LRMDA: variants seen among roughly 807,000 people sequenced by gnomAD.
The protein encoded by LRMDA is leucine rich melanocyte differentiation associated.
LRMDA carries 18 observed loss-of-function variants against 29.8 expected under a neutral mutation model. That is an observed-to-expected ratio of 0.60 (90% CI 0.42 to 0.90). The LOEUF (loss-of-function observed/expected upper bound fraction) is 0.90, where lower values mean the gene tolerates loss of function less well. LRMDA is among the 40% of genes least tolerant of loss of function. LRMDA has a pLI of 0.00. For missense variants in LRMDA, 273 were observed against 273.9 expected (o/e 1.00, Z 0.02); for synonymous variants, 125 against 109.4 (o/e 1.14, Z -0.89).
chr10:76,022,899 T>A (rs769385412), intron 2 of LRMDA, among the ~76,000 whole-genome samples: 4 of 152,198 alleles, frequency 2.6e-5, no homozygotes, highest in Non-Finnish European at 5.9e-5. Context: ...TGGACAATGC[T>A]GGGCACCTAT....
At chr10:76,092,045 G>T (rs188072629) in intron 5 of LRMDA, among the ~76,000 whole-genome samples, 75 of 152,186 alleles carry the variant, frequency 4.9e-4, no homozygotes, top group African/African-American at 1.7e-3. Flanking sequence ...GTAACCCTAG[G>T]GCATATTTCA....
At chr10:75,751,320 G>C (rs1741039154) in intron 2 of LRMDA, among the ~76,000 whole-genome samples, 1 of 151,690 alleles carries the variant, frequency 6.6e-6, no homozygotes, top group Admixed American at 6.6e-5. Flanking sequence ...AGAGGGAGAG[G>C]GAGAGGGAGA....
chr10:75,725,888 G>C (rs1235825354), intron 2 of LRMDA, among the ~76,000 whole-genome samples: 1 of 152,158 alleles, frequency 6.6e-6, no homozygotes, highest in East Asian at 1.9e-4. Context: ...TAGAACCCTA[G>C]AGTAGAGATG....
chr10:76,045,051 A>G (rs1273694821), intron 3 of LRMDA, among the ~76,000 whole-genome samples: 1 of 126,488 alleles, frequency 7.9e-6, no homozygotes, highest in Non-Finnish European at 1.6e-5. Context: ...TTCTCTTGCT[A>G]GTTTTTCCCC....
intron 2 of LRMDA, among the ~76,000 whole-genome samples, chr10:75,712,262 T>C (rs1179558864): frequency 1.3e-5 from 2 of 152,132 alleles, no homozygotes; most frequent in Non-Finnish European, 2.9e-5. Flanking sequence ...TCTCCCTCCG[T>C]GCGTCTTTCT....
intron 6 of LRMDA, among the ~76,000 whole-genome samples, chr10:76,465,106 G>T (rs1362013914): frequency 6.6e-6 from 1 of 152,128 alleles, no homozygotes; most frequent in Non-Finnish European, 1.5e-5. Flanking sequence ...AAGAACTCTT[G>T]GTGGCCTCTC....
At chr10:76,317,374 A>AT (rs1840713077) in intron 5 of LRMDA, among the ~76,000 whole-genome samples, 1 of 151,906 alleles carries the variant, frequency 6.6e-6, no homozygotes, top group Non-Finnish European at 1.5e-5. Context: ...CTCAACTCGT[A>AT]TTTTTCCTCC....
intron 2 of LRMDA, among the ~76,000 whole-genome samples, chr10:75,894,044 C>T (rs1191001596): frequency 6.6e-6 from 1 of 150,826 alleles, no homozygotes; most frequent in Non-Finnish European, 1.5e-5. Context: ...TTTATTTTTC[C>T]ATAAGTTATT....
intron 2 of LRMDA, among the ~76,000 whole-genome samples, chr10:75,681,663 C>T (rs887548004): frequency 7.2e-5 from 11 of 152,178 alleles, no homozygotes; most frequent in African/African-American, 4.8e-5. Context: ...AGGGCCTCTG[C>T]GCACATTACA....
At chr10:75,638,587 A>G (rs961483608) in intron 2 of LRMDA, among the ~76,000 whole-genome samples, 1 of 152,166 alleles carries the variant, frequency 6.6e-6, no homozygotes, top group Non-Finnish European at 1.5e-5. Context: ...TGTCCAGCAT[A>G]TATTTTGCTG....
intron 2 of LRMDA, among the ~76,000 whole-genome samples, chr10:75,599,589 AAGGT>A (rs1476854326): frequency 6.6e-6 from 1 of 152,118 alleles, no homozygotes; most frequent in African/African-American, 2.4e-5. Context: ...CGGGTAGTAG[AAGGT>A]AAAAGGTTGG....
intron 2 of LRMDA, among the ~76,000 whole-genome samples, chr10:75,493,348 G>GGTGTGTGTGTGTGTGTGTGT (rs3220724): frequency 1.5e-5 from 2 of 133,270 alleles, no homozygotes; most frequent in African/African-American, 5.8e-5. Context: ...GTTGAGATTG[G>GGTGTGTGTGTGTGTGTGTGT]GTGTGTGTGT....
intron 5 of LRMDA, among the ~76,000 whole-genome samples, chr10:76,261,378 C>T (rs372431150): frequency 4.6e-5 from 7 of 151,908 alleles, no homozygotes; most frequent in Admixed American, 1.3e-4. Flanking sequence ...GGCTGGCTTG[C>T]GTTTCAATCT....
rs1216703549 is a variant in LRMDA at position 76,496,628 on chromosome 10, T to A, written c.602-60581T>A. Among the ~76,000 whole-genome samples the A allele has an allele frequency of 1.6e-4, 12 of 75,062 alleles. 3 individuals carry two copies. Among genetic ancestry groups the A allele is most frequent in the Admixed American group, 3.7e-4 (3 of 8,050 alleles). 49.2% of individuals were successfully genotyped at this position (75,062 alleles called of 152,430 possible). ...GTTGACTCAGTGTGTTTTTGAAGCT[T>A]ATTGGGTCTTGATTATTACATTTCA... On this transcript the variant is annotated intron_variant, in intron 6 of 6. Transcript: ENST00000611255.
At chr10:75,631,317 AC>A (rs1253593493) in intron 2 of LRMDA, among the ~76,000 whole-genome samples, 1 of 151,662 alleles carries the variant, frequency 6.6e-6, no homozygotes, top group Non-Finnish European at 1.5e-5. Flanking sequence ...GGAGAAAAGA[AC>A]CCCAGCTTCT....
At chr10:75,602,272 G>C (rs1161642138) in intron 2 of LRMDA, among the ~76,000 whole-genome samples, 2 of 152,198 alleles carry the variant, frequency 1.3e-5, no homozygotes, top group African/African-American at 4.8e-5. Context: ...GATCTAGAAT[G>C]ACTAAGAAAT....
At chr10:76,154,269 A>G (rs1383053464) in intron 5 of LRMDA, among the ~76,000 whole-genome samples, 1 of 152,224 alleles carries the variant, frequency 6.6e-6, no homozygotes, top group Non-Finnish European at 1.5e-5. Flanking sequence ...TAAGGTAGAC[A>G]CATGTGTTTG....
intron 5 of LRMDA, among the ~76,000 whole-genome samples, chr10:76,160,046 A>T (rs187469112): frequency 1.2e-3 from 179 of 152,242 alleles, no homozygotes; most frequent in Non-Finnish European, 2.1e-3. Flanking sequence ...CGATGGGTTG[A>T]TGTAGGTTCA....
intron 2 of LRMDA, among the ~76,000 whole-genome samples, chr10:75,946,005 T>C (rs1450903285): frequency 6.6e-6 from 1 of 152,220 alleles, no homozygotes; most frequent in Non-Finnish European, 1.5e-5. Flanking sequence ...TGTCCCTTTC[T>C]CTGTCTGCTA....
Sources: allele counts gnomAD v4.1 joint callset (sites outside exome capture counted in the v4.1 genomes callset), GRCh38; gene constraint gnomAD v4.1.1; transcripts MANE v1.5; gene names NCBI Gene and HGNC (gene_info 2026-07-23, HGNC 2026-07-21).